The following SYNE2 variants were observed in gnomAD, a reference collection of about 807,000 sequenced individuals.
SYNE2 encodes nesprin-2.
In SYNE2, 431 loss-of-function variants were observed where a neutral mutation model predicts 856.3. The ratio of observed to expected loss-of-function variants is 0.50; its 90% CI spans 0.47 to 0.55. The LOEUF is 0.55. SYNE2 is among the 20% of genes least tolerant of loss of function. The probability of loss-of-function intolerance (pLI) is 0.00; values close to 1 mark genes in which losing one functional copy is unlikely to be tolerated. For missense variants in SYNE2, 8,129 were observed against 8,023.2 expected, an observed-to-expected ratio of 1.01 and a Z score of -0.50; for synonymous variants, 2,923 against 2,872.3, an observed-to-expected ratio of 1.02 and a Z score of -0.56.
In SYNE2 at chr14:64,002,056, C is replaced by T; in HGVS notation, c.3761C>T (p.Ala1254Val). The change falls in exon 29 of 116, where the codon GCT becomes GTT. Residue 1254 changes from alanine to valine, a missense_variant. This residue lies in a region of SYNE2 where 2,422 missense variants were observed against 2,357.4 expected (regional missense o/e 1.03). Transcript: ENST00000555002. ...MAIQGFHLID[A>V]DRIYQHLRNI... ...ATCCAGGGATTTCATCTCATTGATG[C>T]TGATCGCATCTATCAACACCTAAGG... The T allele has an allele frequency of 6.2e-7, 1 of 1,612,890 alleles. No individual in the cohort carries two copies. The highest frequency in any genetic ancestry group is 1.1e-5 in the South Asian group (1 of 91,058).
chr14:63,939,354 T>G (rs1358259274), intron 2 of SYNE2, among the ~76,000 whole-genome samples: 1 of 149,744 alleles, frequency 6.7e-6, no homozygotes, highest in Admixed American at 6.6e-5. Flanking sequence ...TTTCTTTTTT[T>G]TTTTTTTTTT....
intron 8 of SYNE2, among the ~76,000 whole-genome samples, chr14:63,958,826 A>T (rs2096272272): frequency 6.6e-6 from 1 of 152,144 alleles, no homozygotes; most frequent in African/African-American, 2.4e-5. Flanking sequence ...ACTTATTGAT[A>T]TTTTACACTC....
chr14:63,848,266 G>A (rs970388326), upstream of SYNE2: 5 of 152,164 alleles, frequency 3.3e-5, no homozygotes, highest in African/African-American at 7.2e-5. Flanking sequence ...ATTTTTAAAG[G>A]CTTATCAAGT....
intron 1 of SYNE2, among the ~76,000 whole-genome samples, chr14:63,859,945 T>TTTCC (rs1893047771): frequency 2.0e-5 from 2 of 100,462 alleles, no homozygotes; most frequent in East Asian, 5.9e-4. Flanking sequence ...CTCCCCTTCC[T>TTTCC]TCCCTCCCTC....
At chr14:63,932,909 C>T (rs2095783041) in intron 2 of SYNE2, among the ~76,000 whole-genome samples, 1 of 152,028 alleles carries the variant, frequency 6.6e-6, no homozygotes, top group Admixed American at 6.5e-5. Flanking sequence ...CCTAGTTTAG[C>T]CAGAGAAATA....
intron 1 of SYNE2, among the ~76,000 whole-genome samples, chr14:63,889,395 G>C (rs532794020): frequency 2.6e-4 from 39 of 151,798 alleles, no homozygotes; most frequent in Non-Finnish European, 4.9e-4. Context: ...GGGAGGAAAG[G>C]GGTTAACTAG....
intron 105 of SYNE2, among the ~76,000 whole-genome samples, chr14:64,213,779 A>G (rs533556319): frequency 4.3e-4 from 65 of 152,320 alleles, no homozygotes; most frequent in Non-Finnish European, 7.6e-4. Flanking sequence ...ATAAGAAAGA[A>G]AGAACCTGGT....
chr14:63,956,799 G>A lies in SYNE2; in HGVS notation c.787+1884G>A, dbSNP rs139002909. On this transcript the variant is annotated intron_variant, in intron 8 of 115. Coordinates refer to ENST00000555002, the MANE Select transcript of SYNE2 (RefSeq NM_182914.3). ...TAACAACTATTTACATAGCATTTAC[G>A]TTGTATTGGATATTAAAAGCAATCT... Among the ~76,000 whole-genome samples the A allele has an allele frequency of 1.6e-3, 251 of 152,138 alleles. 1 individual carries two copies. The highest frequency in any genetic ancestry group is 5.5e-3 in the African/African-American group (227 of 41,504).
chr14:64,045,898 C>G (rs182578663), intron 45 of SYNE2, among the ~76,000 whole-genome samples: 116 of 152,308 alleles, frequency 7.6e-4, no homozygotes, highest in African/African-American at 2.7e-3. Context: ...AAAGTTCCTT[C>G]ACACCCCTGC....
chr14:64,220,729 C>T (rs925226310), intron 111 of SYNE2, 92 bp downstream of exon 111: 16 of 1,424,892 alleles, frequency 1.1e-5, no homozygotes, highest in African/African-American at 1.4e-5. Context: ...AGGCTGCTTC[C>T]GTGCAGCCAA....
chr14:63,890,053 CTTTTTT>C (rs71123813), intron 1 of SYNE2, among the ~76,000 whole-genome samples: 1 of 95,060 alleles, frequency 1.1e-5, no homozygotes, highest in South Asian at 4.1e-4. Context: ...TTCTTTCTTT[CTTTTTT>C]TTTTTTTTTT....
At chr14:64,208,377 CT>C (rs1410521055) in intron 100 of SYNE2, among the ~76,000 whole-genome samples, 1 of 152,194 alleles carries the variant, frequency 6.6e-6, no homozygotes, top group Non-Finnish European at 1.5e-5. Context: ...GAAACCAAGT[CT>C]AAACTGGAGC....
chr14:63,810,725 C>T (rs1196737790), intron 1 of SYNE2, among the ~76,000 whole-genome samples: 2 of 152,178 alleles, frequency 1.3e-5, no homozygotes, highest in African/African-American at 2.4e-5. Flanking sequence ...GCCTTTTTCT[C>T]TTAACCTGTC....
In SYNE2 at chr14:64,130,028, A is replaced by C. The variant is rs1420830319; in HGVS notation, c.14140-20A>C. The C allele has an allele frequency of 1.2e-6, 2 of 1,613,446 alleles. No homozygotes were observed. Among genetic ancestry groups the C allele is most frequent in the Non-Finnish European group, 1.7e-6 (2 of 1,180,000 alleles). On this transcript the variant is annotated intron_variant, in intron 75 of 115. Coordinates refer to ENST00000555002, the MANE Select transcript of SYNE2 (RefSeq NM_182914.3). ...CGGTTGGATGAAAATGCATGTGTGC[A>C]CCTGCTCTTCTCTTTTCAGGATGTA...
At chr14:64,007,262 G>C (rs2096803677) in intron 31 of SYNE2, 40 bp downstream of exon 31, 1 of 1,591,086 alleles carries the variant, frequency 6.3e-7, no homozygotes, top group South Asian at 1.1e-5. Flanking sequence ...CTGAAAAATT[G>C]TCTGTAGCAC....
At chr14:64,082,035 G>A (rs928211629) in intron 57 of SYNE2, among the ~76,000 whole-genome samples, 5 of 151,640 alleles carry the variant, frequency 3.3e-5, no homozygotes, top group African/African-American at 1.2e-4. Flanking sequence ...GCAGTGAGCC[G>A]AGATCGCACC....
At chr14:63,810,778 T>C (rs1888586288) in intron 1 of SYNE2, among the ~76,000 whole-genome samples, 1 of 152,226 alleles carries the variant, frequency 6.6e-6, no homozygotes, top group African/African-American at 2.4e-5. Context: ...GTAAACGGAA[T>C]TGAAATACTT....
chr14:63,961,948 T>TTTACAAC (rs2096321600), intron 9 of SYNE2, among the ~76,000 whole-genome samples: 1 of 151,994 alleles, frequency 6.6e-6, no homozygotes, highest in Non-Finnish European at 1.5e-5. Context: ...CTGAAACAAC[T>TTTACAAC]TTTAGATGGG....
At chr14:63,845,789 G>T (rs1226878196) in intron 1 of SYNE2, among the ~76,000 whole-genome samples, 2 of 140,858 alleles carry the variant, frequency 1.4e-5, no homozygotes, top group Non-Finnish European at 1.5e-5. Flanking sequence ...CGCCCAGGCT[G>T]CAGTGCAGTG....
Sources: gnomAD v4.1 joint callset for allele counts (sites outside exome capture counted in the v4.1 genomes callset) on GRCh38, gnomAD v4.1.1 for gene constraint, gnomAD v4.1.1 regional missense constraint, MANE v1.5 for transcripts, NCBI Gene and HGNC (gene_info 2026-07-23, HGNC 2026-07-21) for gene names.